LIN54: variants seen among roughly 807,000 people sequenced by gnomAD.
LIN54 encodes lin-54 DREAM MuvB core complex component.
In LIN54, 9 loss-of-function variants were observed where a neutral mutation model predicts 78.7. The ratio of observed to expected loss-of-function variants is 0.11; its 90% CI spans 0.07 to 0.20. The LOEUF (loss-of-function observed/expected upper bound fraction) is 0.20. Among genes scored for constraint, LIN54 ranks in the 10% least tolerant of loss-of-function variants. LIN54 has a pLI of 1.00. For missense variants in LIN54, 573 were observed against 889.9 expected, an observed-to-expected ratio of 0.64 and a Z score of 4.53; for synonymous variants, 269 against 318.4, an observed-to-expected ratio of 0.84 and a Z score of 1.65.
upstream of LIN54, among the ~76,000 whole-genome samples, chr4:83,011,421 C>T (rs1055268399): frequency 6.6e-6 from 1 of 152,156 alleles, no homozygotes; most frequent in Admixed American, 6.5e-5. Flanking sequence ...TGTCCATGAA[C>T]ACTGCGACTT....
At position 82,928,318 on chromosome 4, in the gene LIN54, G is replaced by T; in HGVS notation, c.2049-15C>A. On this transcript the variant is annotated splice_polypyrimidine_tract_variant and intron_variant, in intron 12 of 12. Transcript: ENST00000340417. The stretch of plus-strand genomic sequence containing the variant: ...TAAATGGCAATCTGAAATGATTTTT[G>T]AAAGAGAAAGATGATGGTGGTGTTA... 1 of 1,596,624 alleles carries T rather than the reference G, an allele frequency of 6.3e-7. No individual in the cohort carries two copies.
chr4:83,007,725 C>T (rs774119648), intron 1 of LIN54, among the ~76,000 whole-genome samples: 6 of 151,746 alleles, frequency 4.0e-5, no homozygotes, highest in Non-Finnish European at 8.8e-5. Context: ...CTGTCTCTAC[C>T]AAAAATACAA....
At chr4:82,987,661 G>A (rs1727289354) in intron 1 of LIN54, among the ~76,000 whole-genome samples, 1 of 152,198 alleles carries the variant, frequency 6.6e-6, no homozygotes, top group African/African-American at 2.4e-5. Context: ...TTAGTTTGCT[G>A]AGAATGATGG....
chr4:82,978,424 T>C (rs1459226490), intron 3 of LIN54, among the ~76,000 whole-genome samples: 2 of 152,208 alleles, frequency 1.3e-5, no homozygotes, highest in East Asian at 3.8e-4. Flanking sequence ...TTAAATTTAT[T>C]AAAGTTAGCA....
chr4:82,981,452 A>G (rs911213395), intron 2 of LIN54, among the ~76,000 whole-genome samples: 1 of 152,158 alleles, frequency 6.6e-6, no homozygotes, highest in Non-Finnish European at 1.5e-5. Flanking sequence ...CAATACTCTG[A>G]CTAAACTTAA....
intron 4 of LIN54, among the ~76,000 whole-genome samples, chr4:82,969,825 A>C (rs905048379): frequency 6.6e-6 from 1 of 152,238 alleles, no homozygotes; most frequent in African/African-American, 2.4e-5. Flanking sequence ...ATAAAATAAG[A>C]AAGCATTTGA....
intron 2 of LIN54, among the ~76,000 whole-genome samples, chr4:82,980,019 T>C (rs1726504582): frequency 6.7e-6 from 1 of 150,316 alleles, no homozygotes; most frequent in South Asian, 2.1e-4. Context: ...CACTCATAGT[T>C]CACTGCAGCC....
intron 5 of LIN54, among the ~76,000 whole-genome samples, chr4:82,941,219 C>G (rs1251657562): frequency 6.7e-6 from 1 of 148,830 alleles, no homozygotes; most frequent in Non-Finnish European, 1.5e-5. Flanking sequence ...ACGGAGGACA[C>G]AGTATTGAGA....
chr4:83,005,481 T>C (rs916656255), intron 1 of LIN54, among the ~76,000 whole-genome samples: 1 of 151,912 alleles, frequency 6.6e-6, no homozygotes, highest in Non-Finnish European at 1.5e-5. Flanking sequence ...CTACAAAAAT[T>C]ATCTGGGCAT....
chr4:82,995,642 C>A (rs1483280478), intron 1 of LIN54, among the ~76,000 whole-genome samples: 1 of 151,284 alleles, frequency 6.6e-6, no homozygotes, highest in South Asian at 2.1e-4. Flanking sequence ...ACTACAGGTG[C>A]GTGCCACCAC....
At chr4:82,945,500 C>G (rs1328348749) in intron 5 of LIN54, among the ~76,000 whole-genome samples, 38 of 146,542 alleles carry the variant, frequency 2.6e-4, no homozygotes, top group Non-Finnish European at 6.1e-5. Flanking sequence ...ATTTTAATCA[C>G]TTTTTTTTTT....
At position 82,936,023 on chromosome 4, in the gene LIN54, G is replaced by A. The variant is rs200332150; in HGVS notation, c.1803C>T (p.Cys601=). ...AGTTTTTAAGACATCCTGATCGTTTGCAATTACACCCTTTGCTATGACGTC... is the reference window on the plus strand; with the variant it reads ...AGTTTTTAAGACATCCTGATCGTTTACAATTACACCCTTTGCTATGACGTC... ...SDRRHSKGCN[C]KRSGCLKNYC... Residue 601 remains cysteine (C), a synonymous_variant, in exon 11 of 13, where the codon TGC becomes TGT. Coordinates refer to ENST00000340417, the MANE Select transcript of LIN54 (RefSeq NM_194282.4). The A allele has an allele frequency of 6.2e-6, 10 of 1,613,900 alleles. No homozygotes were observed. The highest frequency in any genetic ancestry group is 8.5e-6 in the Non-Finnish European group (10 of 1,179,796).
intron 4 of LIN54, among the ~76,000 whole-genome samples, chr4:82,959,818 T>A (rs1291155253): frequency 1.3e-5 from 2 of 152,182 alleles, no homozygotes; most frequent in African/African-American, 4.8e-5. Flanking sequence ...TAAGTATGTA[T>A]GAACAGGATT....
intron 4 of LIN54, among the ~76,000 whole-genome samples, chr4:82,957,425 C>T (rs1318061529): frequency 6.6e-6 from 1 of 152,150 alleles, no homozygotes; most frequent in Non-Finnish European, 1.5e-5. Context: ...AGAAACATCC[C>T]AAGAGTCTCC....
intron 11 of LIN54, among the ~76,000 whole-genome samples, chr4:82,935,392 G>A (rs1423268503): frequency 1.3e-5 from 2 of 151,636 alleles, no homozygotes; most frequent in African/African-American, 2.4e-5. Context: ...GGGTTCAAGC[G>A]ATTCTCGTGC....
chr4:82,937,888 T>TG (rs1358035238), intron 8 of LIN54, among the ~76,000 whole-genome samples: 1 of 152,208 alleles, frequency 6.6e-6, no homozygotes, highest in African/African-American at 2.4e-5. Flanking sequence ...CCCAGCACTC[T>TG]GGGAGACTGA....
At chr4:82,995,489 CTTT>C (rs749880882) in intron 1 of LIN54, among the ~76,000 whole-genome samples, 42,661 of 76,914 alleles carry the variant, frequency 0.55, 10,034 homozygotes, top group South Asian at 0.67. Flanking sequence ...ATCCTTATCT[CTTT>C]TTTTTTTTTT....
At chr4:82,933,749 G>A (rs1427661545) in intron 11 of LIN54, among the ~76,000 whole-genome samples, 1 of 152,174 alleles carries the variant, frequency 6.6e-6, no homozygotes, top group African/African-American at 2.4e-5. Context: ...GTAGGGTAGG[G>A]CTGTCTCTTC....
intron 1 of LIN54, among the ~76,000 whole-genome samples, chr4:83,003,126 G>A (rs1477310373): frequency 6.6e-6 from 1 of 151,942 alleles, no homozygotes; most frequent in Non-Finnish European, 1.5e-5. Flanking sequence ...TGATTCTCCC[G>A]CCTCAGCCTC....
Sources: allele counts gnomAD v4.1 joint callset (sites outside exome capture counted in the v4.1 genomes callset), GRCh38; gene constraint gnomAD v4.1.1; transcripts MANE v1.5; gene names NCBI Gene and HGNC (gene_info 2026-07-23, HGNC 2026-07-21).